Variants in BNC2 observed in about 807,000 individuals in gnomAD.
BNC2 encodes the protein basonuclin zinc finger protein 2.
In BNC2, 20 loss-of-function variants were observed where a neutral mutation model predicts 76.3. The observed-to-expected ratio is 0.26, with a 90% CI of 0.18 to 0.38. The LOEUF (loss-of-function observed/expected upper bound fraction) is 0.38. Ranked by LOEUF, BNC2 falls within the 10% of genes least tolerant of loss-of-function variation. The pLI is 1.00. For missense variants in BNC2, 1,382 were observed against 1,399.8 expected (o/e 0.99, Z 0.20); for synonymous variants, 582 against 514.8 (o/e 1.13, Z -1.77).
At chr9:16,510,549 C>A (rs781083590) in intron 5 of BNC2, among the ~76,000 whole-genome samples, 7 of 152,206 alleles carry the variant, frequency 4.6e-5, no homozygotes, top group Non-Finnish European at 7.3e-5. Context: ...TAGCTACATG[C>A]TGTATATATT....
intron 1 of BNC2, among the ~76,000 whole-genome samples, chr9:16,778,805 TA>T (rs1237108228): frequency 6.6e-6 from 1 of 152,126 alleles, no homozygotes; most frequent in Non-Finnish European, 1.5e-5. Context: ...TATCCTCTGT[TA>T]AATACAAAAC....
chr9:16,668,316 C>T (rs115359148), intron 3 of BNC2, among the ~76,000 whole-genome samples: 2,828 of 152,242 alleles, frequency 0.019, 91 homozygotes, highest in African/African-American at 0.063. Context: ...TGGCATACCG[C>T]GGGAGCTCGA....
At chr9:16,727,028 C>G (rs570454123) in intron 3 of BNC2, 1 of 152,364 alleles carries the variant, frequency 6.6e-6, no homozygotes, top group East Asian at 1.9e-4. Flanking sequence ...GCTTTCCCAG[C>G]AGAGCCAGCA....
At chr9:16,618,346 T>C (rs965721812) in intron 3 of BNC2, among the ~76,000 whole-genome samples, 3 of 152,196 alleles carry the variant, frequency 2.0e-5, no homozygotes, top group Admixed American at 6.5e-5. Flanking sequence ...TATAACAGCA[T>C]AGAGAAAGCT....
At chr9:16,582,892 G>GACACACACACACACACAC (rs149223772) in intron 4 of BNC2, 91 bp downstream of exon 4, 4 of 626,972 alleles carry the variant, frequency 6.4e-6, no homozygotes, top group South Asian at 1.8e-5. Flanking sequence ...CCTCTAAACA[G>GACACACACACACACACAC]ACACACACAC....
chr9:16,784,604 CAGAG>C (rs1826233323), intron 1 of BNC2, among the ~76,000 whole-genome samples: 1 of 152,150 alleles, frequency 6.6e-6, no homozygotes. Context: ...ACTCTGAATA[CAGAG>C]AGTCTGCAAT....
chr9:16,826,742 T>C (rs188584075), intron 1 of BNC2, among the ~76,000 whole-genome samples: 30 of 152,254 alleles, frequency 2.0e-4, no homozygotes, highest in Admixed American at 7.8e-4. Context: ...GGACAATAGC[T>C]CTGTGCTGGA....
chr9:16,658,078 G>C (rs1001056063), intron 3 of BNC2, among the ~76,000 whole-genome samples: 3 of 152,188 alleles, frequency 2.0e-5, no homozygotes, highest in Admixed American at 1.3e-4. Flanking sequence ...CTCAGAGGTA[G>C]AAGGAGATCC....
chr9:16,764,303 CAG>C (rs1453216151), intron 1 of BNC2, among the ~76,000 whole-genome samples: 19 of 152,256 alleles, frequency 1.2e-4, no homozygotes, highest in Non-Finnish European at 2.5e-4. Flanking sequence ...CATTAAGAAA[CAG>C]AGTCTATGCA....
At chr9:16,494,719 G>C (rs1344806169) in intron 5 of BNC2, among the ~76,000 whole-genome samples, 1 of 152,154 alleles carries the variant, frequency 6.6e-6, no homozygotes, top group Non-Finnish European at 1.5e-5. Context: ...TGTAGGCCTG[G>C]CACGTCCTGT....
intron 1 of BNC2, among the ~76,000 whole-genome samples, chr9:16,821,196 G>C (rs1818320906): frequency 1.3e-5 from 2 of 149,122 alleles, no homozygotes; most frequent in African/African-American, 2.5e-5. Context: ...TCACGCCATT[G>C]CAATACGGCC....
intron 5 of BNC2, among the ~76,000 whole-genome samples, chr9:16,453,923 C>G (rs1250658097): frequency 6.6e-6 from 1 of 152,192 alleles, no homozygotes; most frequent in African/African-American, 2.4e-5. Flanking sequence ...TGTCTTAGTT[C>G]TCACATACAC....
chr9:16,520,607 A>G (rs1374891975), intron 5 of BNC2, among the ~76,000 whole-genome samples: 1 of 152,196 alleles, frequency 6.6e-6, no homozygotes, highest in Non-Finnish European at 1.5e-5. Flanking sequence ...TGAACAGCAC[A>G]TAAGAGAGTG....
At chr9:16,617,226 C>G (rs1168975754) in intron 3 of BNC2, among the ~76,000 whole-genome samples, 3 of 151,962 alleles carry the variant, frequency 2.0e-5, no homozygotes, top group Admixed American at 2.0e-4. Context: ...AACAAACAAA[C>G]AAACAAAAAA....
intron 3 of BNC2, among the ~76,000 whole-genome samples, chr9:16,702,448 T>C (rs1823541546): frequency 6.6e-6 from 1 of 151,058 alleles, no homozygotes; most frequent in African/African-American, 2.4e-5. Context: ...AATGATAGCA[T>C]CACTCTGACA....
chr9:16,423,605 C>T (rs946845095), intron 6 of BNC2, among the ~76,000 whole-genome samples: 1 of 152,142 alleles, frequency 6.6e-6, no homozygotes, highest in African/African-American at 2.4e-5. Context: ...CAATAATATG[C>T]ATGAGTCTTC....
intron 3 of BNC2, among the ~76,000 whole-genome samples, chr9:16,681,504 G>A (rs1247159953): frequency 2.0e-5 from 3 of 152,094 alleles, no homozygotes; most frequent in Non-Finnish European, 4.4e-5. Flanking sequence ...GCAATCATTT[G>A]TCAATAGCTG....
At chr9:16,547,971 T>G (rs1818539222) in intron 5 of BNC2, among the ~76,000 whole-genome samples, 1 of 152,186 alleles carries the variant, frequency 6.6e-6, no homozygotes, top group Non-Finnish European at 1.5e-5. Flanking sequence ...AAAAGACGGA[T>G]GGCCCCATTC....
intron 1 of BNC2, among the ~76,000 whole-genome samples, chr9:16,862,185 G>A (rs1819427291): frequency 6.6e-6 from 1 of 152,096 alleles, no homozygotes; most frequent in African/African-American, 2.4e-5. Flanking sequence ...CAAGAGAAAT[G>A]AAAACATTAT....
Sources: gnomAD v4.1 joint callset for allele counts (sites outside exome capture counted in the v4.1 genomes callset) on GRCh38, gnomAD v4.1.1 for gene constraint, MANE v1.5 for transcripts, NCBI Gene and HGNC (gene_info 2026-07-23, HGNC 2026-07-21) for gene names.